The following SCFD2 variants were observed in gnomAD, a reference collection of about 807,000 sequenced individuals.
The protein encoded by SCFD2 is sec1 family domain-containing protein 2.
A neutral mutation model predicts 58.9 loss-of-function variants in SCFD2; 54 were observed. That is an observed-to-expected ratio of 0.92 (90% CI 0.74 to 1.15). SCFD2 has a LOEUF of 1.15. Ranked by LOEUF, SCFD2 falls within the 50% of genes most tolerant of loss-of-function variation. The pLI, the probability that SCFD2 is intolerant of heterozygous loss-of-function variation, is 0.00. For missense variants in SCFD2, 805 were observed against 836.6 expected, an observed-to-expected ratio of 0.96 and a Z score of 0.47; for synonymous variants, 321 against 335.9, an observed-to-expected ratio of 0.96 and a Z score of 0.49.
intron 3 of SCFD2, among the ~76,000 whole-genome samples, chr4:53,290,069 C>G (rs1367382629): frequency 6.6e-6 from 1 of 152,020 alleles, no homozygotes; most frequent in African/African-American, 2.4e-5. Flanking sequence ...GTAAGTCAAC[C>G]ACATCAAAAA....
At chr4:53,246,520 TA>T (rs1730079032) in intron 4 of SCFD2, among the ~76,000 whole-genome samples, 1 of 151,968 alleles carries the variant, frequency 6.6e-6, no homozygotes, top group Non-Finnish European at 1.5e-5. Flanking sequence ...TGGAACAGAA[TA>T]GAGAGCCCAG....
chr4:53,361,197 A>G (rs1054466883), intron 1 of SCFD2, among the ~76,000 whole-genome samples: 2 of 152,240 alleles, frequency 1.3e-5, no homozygotes, highest in Non-Finnish European at 2.9e-5. Flanking sequence ...CAATTCAAAA[A>G]ACAAAAGATG....
At chr4:53,021,385 A>G (rs1478108680) in intron 5 of SCFD2, among the ~76,000 whole-genome samples, 1 of 152,228 alleles carries the variant, frequency 6.6e-6, no homozygotes, top group African/African-American at 2.4e-5. Context: ...TAATAATAGC[A>G]ACTTTCAACA....
chr4:53,118,811 T>C (rs1177227780), intron 5 of SCFD2, among the ~76,000 whole-genome samples: 1 of 152,116 alleles, frequency 6.6e-6, no homozygotes, highest in African/African-American at 2.4e-5. Flanking sequence ...ACACTATATC[T>C]ATTCCCTCTT....
intron 1 of SCFD2, 144 bp downstream of exon 1, chr4:53,364,955 TCTGTG>T: frequency 3.3e-6 from 3 of 911,974 alleles, no homozygotes; most frequent in Non-Finnish European, 4.9e-6. Context: ...GACAATAAAC[TCTGTG>T]AGATTAGAGA....
At chr4:53,266,355 A>T (rs1730983112) in intron 4 of SCFD2, among the ~76,000 whole-genome samples, 1 of 152,224 alleles carries the variant, frequency 6.6e-6, no homozygotes, top group Non-Finnish European at 1.5e-5. Flanking sequence ...ATTAATACAC[A>T]TATAGTCTCA....
At chr4:53,113,148 T>C (rs1269449852) in intron 5 of SCFD2, among the ~76,000 whole-genome samples, 5 of 152,042 alleles carry the variant, frequency 3.3e-5, no homozygotes, top group Non-Finnish European at 5.9e-5. Flanking sequence ...ACTCAAACAT[T>C]GCCTCCTAAG....
chr4:53,070,537 T>C (rs533212883), intron 5 of SCFD2, among the ~76,000 whole-genome samples: 2 of 152,226 alleles, frequency 1.3e-5, no homozygotes, highest in African/African-American at 2.4e-5. Flanking sequence ...CATAAGTAGA[T>C]GCATAAGAAA....
intron 4 of SCFD2, among the ~76,000 whole-genome samples, chr4:53,273,194 A>C (rs1283878737): frequency 2.0e-5 from 3 of 152,216 alleles, no homozygotes; most frequent in South Asian, 4.1e-4. Flanking sequence ...TTGCCATTTT[A>C]TGTACATTTA....
chr4:53,173,465 T>A (rs1727238407), intron 4 of SCFD2, among the ~76,000 whole-genome samples: 1 of 148,478 alleles, frequency 6.7e-6, no homozygotes, highest in Non-Finnish European at 1.5e-5. Context: ...TCAGTCTATG[T>A]GTGCCCTTAA....
intron 5 of SCFD2, among the ~76,000 whole-genome samples, chr4:53,058,307 C>T (rs1057003394): frequency 2.0e-5 from 3 of 151,292 alleles, no homozygotes; most frequent in African/African-American, 7.3e-5. Context: ...CTCATATAGG[C>T]ATAAAAAAAG....
chr4:53,293,406 C>T (rs890849687), intron 3 of SCFD2, among the ~76,000 whole-genome samples: 2 of 151,884 alleles, frequency 1.3e-5, no homozygotes, highest in Admixed American at 1.3e-4. Context: ...ACCACCATGG[C>T]ACAAGTTTAC....
chr4:53,028,491 C>G (rs1722535567), intron 5 of SCFD2, among the ~76,000 whole-genome samples: 1 of 152,152 alleles, frequency 6.6e-6, no homozygotes, highest in Non-Finnish European at 1.5e-5. Flanking sequence ...CTGTTCAACA[C>G]AATCAAGGAG....
intron 3 of SCFD2, among the ~76,000 whole-genome samples, chr4:53,280,860 G>A (rs1731486497): frequency 6.6e-6 from 1 of 152,100 alleles, no homozygotes; most frequent in Non-Finnish European, 1.5e-5. Flanking sequence ...CAGGAATTAT[G>A]TCAATATTAT....
chr4:53,334,165 A>G (rs1733597496), intron 2 of SCFD2, among the ~76,000 whole-genome samples: 1 of 151,116 alleles, frequency 6.6e-6, no homozygotes, highest in South Asian at 2.1e-4. Context: ...ACTGTAAACT[A>G]GTTCAACCAT....
intron 4 of SCFD2, among the ~76,000 whole-genome samples, chr4:53,266,448 T>A (rs1469862472): frequency 6.6e-6 from 1 of 152,204 alleles, no homozygotes; most frequent in African/African-American, 2.4e-5. Context: ...CACATAAATA[T>A]GTGTATTAAT....
intron 3 of SCFD2, among the ~76,000 whole-genome samples, chr4:53,285,492 T>C (rs1193236689): frequency 6.6e-6 from 1 of 152,066 alleles, no homozygotes; most frequent in Non-Finnish European, 1.5e-5. Context: ...TGAGGATCCC[T>C]TATATTGAGA....
intron 4 of SCFD2, among the ~76,000 whole-genome samples, chr4:53,164,502 G>C (rs1224770145): frequency 1.3e-5 from 2 of 152,154 alleles, no homozygotes; most frequent in African/African-American, 4.8e-5. Context: ...CTAGAAGTAA[G>C]GGCAGTATTG....
chr4:53,252,735 C>G (rs1730441524), intron 4 of SCFD2, among the ~76,000 whole-genome samples: 1 of 152,100 alleles, frequency 6.6e-6, no homozygotes, highest in Admixed American at 6.6e-5. Flanking sequence ...AAAATTAATT[C>G]AAGATGGATT....
Sources: allele counts gnomAD v4.1 joint callset (sites outside exome capture counted in the v4.1 genomes callset), GRCh38; gene constraint gnomAD v4.1.1; transcripts MANE v1.5; gene names NCBI Gene and HGNC (gene_info 2026-07-23, HGNC 2026-07-21).